The following MTMR12 variants were observed in gnomAD, a reference collection of about 807,000 sequenced individuals.
MTMR12 encodes the protein myotubularin related protein 12.
Under a neutral mutation model 96.7 loss-of-function variants are expected in MTMR12, and 33 were observed. The ratio of observed to expected loss-of-function variants is 0.34; its 90% CI spans 0.26 to 0.46. The LOEUF is 0.46. Among genes scored for constraint, MTMR12 ranks in the 20% least tolerant of loss-of-function variants. The pLI, the probability that MTMR12 is intolerant of heterozygous loss-of-function variation, is 1.00. For synonymous variants in MTMR12, 298 were observed against 327.2 expected, an observed-to-expected ratio of 0.91 and a Z score of 0.96; for missense variants, 721 against 896.1, an observed-to-expected ratio of 0.80 and a Z score of 2.49.
intron 1 of MTMR12, among the ~76,000 whole-genome samples, chr5:32,298,647 C>T (rs1254637144): frequency 1.3e-5 from 2 of 152,064 alleles, no homozygotes; most frequent in Non-Finnish European, 2.9e-5. Context: ...ACTTAGAGTG[C>T]CAGAGAAGAA....
chr5:32,312,862 C>G lies in MTMR12; in HGVS notation c.-24G>C, dbSNP rs371334457. ...ATACCGCCGCCCTGGGAAGCAGCGA[C>G]GCGCGGACGCAGAGGCGGCGGCTCG... On this transcript the variant is annotated 5_prime_UTR_variant, in exon 1 of 16. Coordinates refer to ENST00000382142, the MANE Select transcript of MTMR12 (RefSeq NM_001040446.3). This position sits in a 1 kb window ranked among gnomAD's most constrained non-coding sequence, Gnocchi z 5.0. The G allele has an allele frequency of 6.6e-7, 1 of 1,513,164 alleles. No individual in the cohort carries two copies. The highest frequency in any genetic ancestry group is 2.8e-5 in the East Asian group (1 of 35,860). 93.7% of individuals were successfully genotyped at this position (1,513,164 alleles called of 1,614,324 possible).
At chr5:32,246,718 G>A (rs951657662) in intron 10 of MTMR12, among the ~76,000 whole-genome samples, 17 of 152,220 alleles carry the variant, frequency 1.1e-4, no homozygotes, top group African/African-American at 4.1e-4. Context: ...CCCCGTAAAC[G>A]TTTTCTAAAG....
intron 7 of MTMR12, among the ~76,000 whole-genome samples, chr5:32,259,665 C>T (rs1269573301): frequency 6.6e-6 from 1 of 152,134 alleles, no homozygotes; most frequent in African/African-American, 2.4e-5. Flanking sequence ...TTGCAGGAAG[C>T]GCTGTGAAGA....
chr5:32,255,310 G>A (rs981106067), intron 8 of MTMR12, among the ~76,000 whole-genome samples: 4 of 152,100 alleles, frequency 2.6e-5, no homozygotes, highest in Non-Finnish European at 5.9e-5. Flanking sequence ...TTGTCTCTGG[G>A]AGAAAACACC....
At chr5:32,266,475 G>A (rs113689952) in intron 6 of MTMR12, among the ~76,000 whole-genome samples, 3,256 of 151,116 alleles carry the variant, frequency 0.022, 108 homozygotes, top group African/African-American at 0.075. Context: ...ATCACTTCAG[G>A]TCAGGAGTTC....
At chr5:32,281,996 A>G (rs990179433) in intron 1 of MTMR12, among the ~76,000 whole-genome samples, 1 of 152,168 alleles carries the variant, frequency 6.6e-6, no homozygotes, top group Non-Finnish European at 1.5e-5. Flanking sequence ...TTGACAGTAG[A>G]TCAAGTTGCT....
intron 1 of MTMR12, among the ~76,000 whole-genome samples, chr5:32,289,134 T>C (rs577862039): frequency 4.6e-5 from 7 of 152,296 alleles, no homozygotes; most frequent in Admixed American, 2.0e-4. Context: ...GTAGCTACTG[T>C]AATGGATGGT....
intron 1 of MTMR12, among the ~76,000 whole-genome samples, chr5:32,306,744 A>G (rs1260696411): frequency 1.3e-5 from 2 of 152,162 alleles, no homozygotes; most frequent in African/African-American, 4.8e-5. Context: ...ATTAAACTTT[A>G]CAGGGCCTCA....
intron 1 of MTMR12, among the ~76,000 whole-genome samples, chr5:32,304,829 CAGA>C (rs1366086399): frequency 6.6e-6 from 1 of 152,138 alleles, no homozygotes. Context: ...GCTCCATCTG[CAGA>C]AGTTGTGTGG....
chr5:32,247,117 A>T (rs1249738225), intron 10 of MTMR12, among the ~76,000 whole-genome samples: 1 of 152,162 alleles, frequency 6.6e-6, no homozygotes, highest in Non-Finnish European at 1.5e-5. Context: ...TGCAAGGCCA[A>T]AGTGGGAGGA....
At chr5:32,277,447 C>T (rs1300816087) in intron 1 of MTMR12, among the ~76,000 whole-genome samples, 1 of 152,080 alleles carries the variant, frequency 6.6e-6, no homozygotes, top group African/African-American at 2.4e-5. Context: ...ACCTGTAATT[C>T]CAGCACTTTG....
intron 1 of MTMR12, among the ~76,000 whole-genome samples, chr5:32,307,421 T>G (rs931572268): frequency 5.9e-5 from 9 of 152,044 alleles, no homozygotes; most frequent in Non-Finnish European, 4.4e-5. Context: ...GCTGCGATGT[T>G]TTTAGGTACC....
chr5:32,310,208 T>C (rs1250355626), intron 1 of MTMR12, among the ~76,000 whole-genome samples: 2 of 152,110 alleles, frequency 1.3e-5, no homozygotes, highest in African/African-American at 4.8e-5. Context: ...CCCAGCTACT[T>C]GGGAAAATGG....
chr5:32,260,106 G>C (rs1258751743), intron 7 of MTMR12, among the ~76,000 whole-genome samples: 1 of 150,408 alleles, frequency 6.6e-6, no homozygotes, highest in Non-Finnish European at 1.5e-5. Flanking sequence ...AATTATACTT[G>C]TGCAGCTAGA....
At position 32,233,147 on chromosome 5, in the gene MTMR12, C is replaced by T. The variant is rs986491680; in HGVS notation, c.1674+626G>A. On this transcript the variant is annotated intron_variant, in intron 15 of 15. Coordinates refer to ENST00000382142, the MANE Select transcript of MTMR12 (RefSeq NM_001040446.3). The surrounding 1 kb of genome is among the most constrained non-coding windows in gnomAD (Gnocchi z 5.0). ...TGGCCACCCCTCCGGCCAAATCTGG[C>T]CTGGCGCCTGTTCTCGTAAACACTG... The T allele has an allele frequency of 3.2e-6, 1 of 313,030 alleles. No homozygotes were observed. Among genetic ancestry groups the T allele is most frequent in the Non-Finnish European group, 4.6e-6 (1 of 215,340 alleles). 19.4% of individuals were successfully genotyped at this position (313,030 alleles called of 1,614,324 possible).
chr5:32,242,455 C>T (rs1748515325), intron 11 of MTMR12, among the ~76,000 whole-genome samples: 1 of 152,112 alleles, frequency 6.6e-6, no homozygotes, highest in East Asian at 1.9e-4. Flanking sequence ...AAAATCCATA[C>T]CTGGAGAATG....
At chr5:32,288,530 G>A (rs1002889389) in intron 1 of MTMR12, among the ~76,000 whole-genome samples, 4 of 152,132 alleles carry the variant, frequency 2.6e-5, no homozygotes, top group Non-Finnish European at 4.4e-5. Context: ...GATGAGGTGC[G>A]CTACACTTGA....
chr5:32,304,484 A>G (rs1428687389), intron 1 of MTMR12, among the ~76,000 whole-genome samples: 1 of 152,128 alleles, frequency 6.6e-6, no homozygotes, highest in Admixed American at 6.5e-5. Flanking sequence ...TATTGTCTTT[A>G]TCATAATAAG....
chr5:32,235,400 G>A (rs1312201586), intron 13 of MTMR12, among the ~76,000 whole-genome samples: 2 of 152,212 alleles, frequency 1.3e-5, no homozygotes, highest in Non-Finnish European at 2.9e-5. Context: ...ATGAGCATCT[G>A]CAATTGATTC....
Sources: allele counts gnomAD v4.1 joint callset (sites outside exome capture counted in the v4.1 genomes callset), GRCh38; gene constraint gnomAD v4.1.1; non-coding constraint Gnocchi (gnomAD v3.1); transcripts MANE v1.5; gene names NCBI Gene and HGNC (gene_info 2026-07-23, HGNC 2026-07-21).